ATL2: variants seen among roughly 807,000 people sequenced by gnomAD.
ATL2 encodes atlastin-2.
Under a neutral mutation model 73.9 loss-of-function variants are expected in ATL2, and 31 were observed. The observed-to-expected ratio is 0.42, with a 90% CI of 0.32 to 0.57. The LOEUF (loss-of-function observed/expected upper bound fraction) is 0.57. ATL2 is among the 20% of genes least tolerant of loss of function. ATL2 has a pLI of 0.14. For synonymous variants in ATL2, 291 were observed against 237.5 expected, an observed-to-expected ratio of 1.23 and a Z score of -2.07; for missense variants, 738 against 702.6, an observed-to-expected ratio of 1.05 and a Z score of -0.57.
chr2:38,362,271 T>C (rs1671056960), intron 1 of ATL2, among the ~76,000 whole-genome samples: 1 of 152,172 alleles, frequency 6.6e-6, no homozygotes, highest in African/African-American at 2.4e-5. Context: ...GCAACCAAAA[T>C]AATCACAATT....
chr2:38,375,341 T>C (rs1403674094), intron 1 of ATL2, among the ~76,000 whole-genome samples: 2 of 152,216 alleles, frequency 1.3e-5, no homozygotes, highest in Non-Finnish European at 2.9e-5. Flanking sequence ...AATTAGCAGG[T>C]ACAGGGACTG....
At chr2:38,313,019 T>C (rs955794072) in intron 7 of ATL2, 132 bp downstream of exon 7, 2 of 586,698 alleles carry the variant, frequency 3.4e-6, no homozygotes, top group Non-Finnish European at 3.0e-6. Flanking sequence ...ACAAACAGAG[T>C]CACTTGGGCT....
chr2:38,338,293 CG>C (rs905626386), intron 2 of ATL2, among the ~76,000 whole-genome samples: 3 of 151,464 alleles, frequency 2.0e-5, no homozygotes, highest in African/African-American at 7.3e-5. Context: ...CAACAGACAA[CG>C]GGGAGTACTA....
chr2:38,332,659 C>T (rs1464552465), intron 2 of ATL2, among the ~76,000 whole-genome samples: 1 of 152,122 alleles, frequency 6.6e-6, no homozygotes, highest in African/African-American at 2.4e-5. Flanking sequence ...AAATCAAATA[C>T]CTTTAGTGTA....
At chr2:38,330,910 T>G (rs771739752) in intron 2 of ATL2, among the ~76,000 whole-genome samples, 3 of 152,116 alleles carry the variant, frequency 2.0e-5, no homozygotes, top group Non-Finnish European at 4.4e-5. Context: ...GAACCCAAAA[T>G]AGCCAAACAA....
intron 1 of ATL2, among the ~76,000 whole-genome samples, chr2:38,371,167 A>G (rs1671667270): frequency 6.6e-6 from 1 of 151,938 alleles, no homozygotes; most frequent in South Asian, 2.1e-4. Flanking sequence ...TCAAATTTCT[A>G]AATGGCATTT....
Position 38,296,559 on chromosome 2 carries a change from C to T in ATL2, c.1633-446G>A, listed in dbSNP as rs370349486. On this transcript the variant is annotated intron_variant, in intron 12 of 12. Transcript: ENST00000378954. ...TGAAAGAGCACGGTGAACCATTCGA[C>T]GTCTAGTAACTTCAAACAGTTTGGA... 8 of 1,614,022 alleles carry T rather than the reference C, an allele frequency of 5.0e-6. No individual in the cohort carries two copies. In the East Asian group the frequency reaches 6.7e-5, roughly 13 times the overall value.
At chr2:38,303,028 G>C (rs1667266656) in intron 9 of ATL2, among the ~76,000 whole-genome samples, 1 of 152,122 alleles carries the variant, frequency 6.6e-6, no homozygotes, top group Admixed American at 6.5e-5. Flanking sequence ...TGACCTTTCA[G>C]AGAATTCAAA....
At chr2:38,341,436 A>C (rs536893161) in intron 2 of ATL2, among the ~76,000 whole-genome samples, 1 of 152,270 alleles carries the variant, frequency 6.6e-6, no homozygotes, top group East Asian at 1.9e-4. Context: ...CAGGAGTTCA[A>C]GACCAGCCTG....
rs1202790694 is a variant in ATL2 at position 38,318,634 on chromosome 2, A to G, written c.504T>C (p.Ala168=). Residue 168 remains alanine, a synonymous_variant, in exon 4 of 13, where the codon GCT becomes GCC. Coordinates refer to ENST00000378954, the MANE Select transcript of ATL2 (RefSeq NM_001135673.4). ...VIDRPNGTKV[A]VLLMDTQGAF... Reference sequence around the variant, plus strand: ...CACCCTGGGTATCCATAAGCAGCACAGCAACCTAGGAATTTGAGAGTTTAA... The same window carrying G: ...CACCCTGGGTATCCATAAGCAGCACGGCAACCTAGGAATTTGAGAGTTTAA... 2 of 1,595,988 alleles carry G rather than the reference A, an allele frequency of 1.3e-6. No homozygotes were observed. The highest frequency in any genetic ancestry group is 1.7e-4 in the Middle Eastern group (1 of 6,000).
chr2:38,367,925 G>A (rs1385118690), intron 1 of ATL2, among the ~76,000 whole-genome samples: 1 of 148,902 alleles, frequency 6.7e-6, no homozygotes, highest in Admixed American at 6.7e-5. Context: ...AAACCACCAC[G>A]CCCGGCCTAA....
At chr2:38,350,454 A>G (rs1235056499) in intron 1 of ATL2, among the ~76,000 whole-genome samples, 7 of 152,220 alleles carry the variant, frequency 4.6e-5, no homozygotes, top group Admixed American at 3.9e-4. Context: ...GGGGATAGGG[A>G]GGGATGAACA....
chr2:38,321,589 T>C (rs1012081261), intron 2 of ATL2, among the ~76,000 whole-genome samples: 2 of 152,208 alleles, frequency 1.3e-5, no homozygotes, highest in African/African-American at 2.4e-5. Flanking sequence ...CATTTTTCCA[T>C]AGTCACTGAA....
chr2:38,367,436 T>C (rs1285734697), intron 1 of ATL2, among the ~76,000 whole-genome samples: 1 of 150,792 alleles, frequency 6.6e-6, no homozygotes, highest in Non-Finnish European at 1.5e-5. Flanking sequence ...ACCCCGTCTC[T>C]ATTAAAAATA....
intron 9 of ATL2, among the ~76,000 whole-genome samples, chr2:38,308,736 G>C (rs151060201): frequency 1.3e-5 from 2 of 151,588 alleles, no homozygotes; most frequent in Non-Finnish European, 2.9e-5. Flanking sequence ...TATATACTAC[G>C]TACCCACAAA....
At position 38,294,577 on chromosome 2, in the gene ATL2, T is replaced by A. The variant is rs557507902; in HGVS notation, c.*1417A>T. ...AAGAAACAAACAAAACTAGGTACTT[T>A]AATCGGTGTTCACAAAGAAGACCAC... is the stretch of plus-strand genomic sequence containing the variant. On this transcript the variant is annotated 3_prime_UTR_variant, in exon 13 of 13. Coordinates refer to ENST00000378954, the MANE Select transcript of ATL2 (RefSeq NM_001135673.4). Among the ~76,000 whole-genome samples the A allele has an allele frequency of 1.3e-5, 2 of 151,320 alleles. No individual in the cohort carries two copies. The highest frequency in any genetic ancestry group is 1.3e-4 in the Admixed American group (2 of 15,226).
chr2:38,315,268 A>T lies in ATL2; in HGVS notation c.654+16T>A. 4.1e-6 allele frequency: 6 copies of T among 1,477,616 alleles called. No individual in the cohort carries two copies. Among genetic ancestry groups the T allele is most frequent in the Non-Finnish European group, 5.4e-6 (6 of 1,120,960 alleles). 91.5% of individuals were successfully genotyped at this position (1,477,616 alleles called of 1,614,324 possible). On this transcript the variant is annotated intron_variant, in intron 5 of 12. Transcript: ENST00000378954. Reference sequence around the variant, plus strand: ...CTCCATCTCAAAAAATAAAAATTAAAAAAAGAAATACGTACTTGCAAATGT... The same window carrying T: ...CTCCATCTCAAAAAATAAAAATTAATAAAAGAAATACGTACTTGCAAATGT...
chr2:38,318,049 C>T (rs192583393), intron 4 of ATL2, among the ~76,000 whole-genome samples: 2 of 152,248 alleles, frequency 1.3e-5, no homozygotes, highest in East Asian at 3.9e-4. Context: ...CCCAGCTACT[C>T]AGGAGGCTGA....
chr2:38,315,229 G>T (rs1025131877), intron 5 of ATL2, 55 bp downstream of exon 5: 27 of 1,392,756 alleles, frequency 1.9e-5, no homozygotes, highest in Non-Finnish European at 2.3e-5. Context: ...CTAGTCTGGG[G>T]AACAAGAGCG....
Sources: allele counts gnomAD v4.1 joint callset (sites outside exome capture counted in the v4.1 genomes callset), GRCh38; gene constraint gnomAD v4.1.1; transcripts MANE v1.5; gene names NCBI Gene and HGNC (gene_info 2026-07-23, HGNC 2026-07-21).